Variants in AMPH observed in about 807,000 individuals in gnomAD.
AMPH encodes amphiphysin.
In AMPH, 49 loss-of-function variants were observed where a neutral mutation model predicts 99.1. The observed-to-expected ratio is 0.49, with a 90% CI of 0.39 to 0.63. The LOEUF is 0.63. AMPH is among the 20% of genes least tolerant of loss of function. The probability of loss-of-function intolerance (pLI) is 0.00; values close to 1 mark genes in which losing one functional copy is unlikely to be tolerated. For missense variants in AMPH, 759 were observed against 863.4 expected (o/e 0.88, Z 1.52); for synonymous variants, 314 against 317.3 (o/e 0.99, Z 0.11).
At position 38,495,788 on chromosome 7, in the gene AMPH, T is replaced by TA. The variant is rs1296311593; in HGVS notation, c.206-1262_206-1261insT. On this transcript the variant is annotated intron_variant, in intron 3 of 20. Coordinates refer to ENST00000356264, the MANE Select transcript of AMPH (RefSeq NM_001635.4). The stretch of plus-strand genomic sequence containing the variant: ...ATACATTTGATATGTTGCAAAACTA[T>TA]GGTTTGCAACATTAAAGAATAGCAT... Among the ~76,000 whole-genome samples the TA allele has an allele frequency of 2.0e-5, 3 of 152,186 alleles. No individual in the cohort carries two copies. In the East Asian group the frequency reaches 5.8e-4, roughly 29 times the overall value.
intron 1 of AMPH, among the ~76,000 whole-genome samples, chr7:38,550,967 T>C (rs776278160): frequency 6.6e-6 from 1 of 152,146 alleles, no homozygotes; most frequent in Non-Finnish European, 1.5e-5. Flanking sequence ...ACTCAAAAAC[T>C]TCACATAAAT....
intron 18 of AMPH, among the ~76,000 whole-genome samples, chr7:38,392,882 C>T (rs1784553267): frequency 6.6e-6 from 1 of 152,360 alleles, no homozygotes; most frequent in African/African-American, 2.4e-5. Context: ...CAGCCCCACA[C>T]TGCTGTGGCC....
chr7:38,428,613 C>G (rs1243710521), intron 14 of AMPH: 1 of 456,620 alleles, frequency 2.2e-6, no homozygotes, highest in East Asian at 7.0e-5. Context: ...TATGTCTTTT[C>G]TAGTCAAATC....
chr7:38,431,718 G>A (rs192594320), intron 13 of AMPH, among the ~76,000 whole-genome samples: 1 of 151,752 alleles, frequency 6.6e-6, no homozygotes, highest in African/African-American at 2.4e-5. Context: ...GTAGAGTTTG[G>A]ACTAAAATCC....
At chr7:38,595,416 T>A (rs1037752287) in intron 1 of AMPH, among the ~76,000 whole-genome samples, 1 of 152,114 alleles carries the variant, frequency 6.6e-6, no homozygotes, top group Non-Finnish European at 1.5e-5. Context: ...AGGAGGATAG[T>A]CCCTGCCATG....
intron 2 of AMPH, among the ~76,000 whole-genome samples, chr7:38,523,197 G>C (rs1371371887): frequency 6.6e-6 from 1 of 151,950 alleles, no homozygotes; most frequent in African/African-American, 2.4e-5. Flanking sequence ...CAGATAGATA[G>C]ATAATATAGA....
chr7:38,437,914 T>C (rs1467323770), intron 11 of AMPH, among the ~76,000 whole-genome samples: 1 of 152,216 alleles, frequency 6.6e-6, no homozygotes. Flanking sequence ...TATGTCATGC[T>C]ATTAGCCTTG....
chr7:38,514,644 T>C (rs182447292), intron 2 of AMPH, among the ~76,000 whole-genome samples: 243 of 152,310 alleles, frequency 1.6e-3, no homozygotes, highest in Non-Finnish European at 2.5e-3. Context: ...GCTCCTGGTA[T>C]TAAAGATGAG....
At chr7:38,510,347 G>A (rs1388969052) in intron 2 of AMPH, among the ~76,000 whole-genome samples, 2 of 152,050 alleles carry the variant, frequency 1.3e-5, no homozygotes, top group Admixed American at 1.3e-4. Flanking sequence ...CCTCCTTAAT[G>A]GCCCTATGTC....
chr7:38,450,021 C>A (rs1210618268), intron 11 of AMPH, among the ~76,000 whole-genome samples: 1 of 152,074 alleles, frequency 6.6e-6, no homozygotes, highest in Non-Finnish European at 1.5e-5. Flanking sequence ...AAGTAAGATG[C>A]AGTATTAGGC....
chr7:38,489,831 G>T (rs1286294836), intron 5 of AMPH, among the ~76,000 whole-genome samples: 2 of 151,948 alleles, frequency 1.3e-5, no homozygotes, highest in Non-Finnish European at 2.9e-5. Flanking sequence ...CTAATTAATG[G>T]GTATAAAATT....
intron 1 of AMPH, among the ~76,000 whole-genome samples, chr7:38,629,120 C>T (rs1203827949): frequency 6.6e-6 from 1 of 152,214 alleles, no homozygotes; most frequent in Non-Finnish European, 1.5e-5. Flanking sequence ...AAGAGGGAAT[C>T]ACGTGGGGAT....
At chr7:38,554,099 T>C (rs1019775303) in intron 1 of AMPH, among the ~76,000 whole-genome samples, 3 of 152,214 alleles carry the variant, frequency 2.0e-5, no homozygotes, top group Non-Finnish European at 4.4e-5. Context: ...TGGCTGGGAC[T>C]AGCTTCCTGA....
intron 17 of AMPH, among the ~76,000 whole-genome samples, 172 bp from the exon 18 acceptor site, chr7:38,394,386 C>T (rs2072507): frequency 0.36 from 54,023 of 152,148 alleles, 10,019 homozygotes; most frequent in Admixed American, 0.42. Context: ...ATCAACACTC[C>T]GACTTCTCTT....
At chr7:38,385,223 G>A (rs1288373566) in intron 20 of AMPH, among the ~76,000 whole-genome samples, 1 of 152,144 alleles carries the variant, frequency 6.6e-6, no homozygotes, top group Admixed American at 6.6e-5. Flanking sequence ...GATATTAACT[G>A]GATTATAATA....
chr7:38,416,916 T>C (rs1785400779), intron 17 of AMPH, among the ~76,000 whole-genome samples: 1 of 152,216 alleles, frequency 6.6e-6, no homozygotes, highest in Non-Finnish European at 1.5e-5. Flanking sequence ...CCTACCATTT[T>C]CCCTGTAAAA....
At position 38,494,592 on chromosome 7, in the gene AMPH, C is replaced by T. The variant is rs1279457305; in HGVS notation, c.206-65G>A. 2.1e-6 allele frequency: 3 copies of T among 1,435,986 alleles called. No individual in the cohort carries two copies. The East Asian group carries it at 6.9e-5, about 33-fold the overall frequency. 89.0% of individuals were successfully genotyped at this position (1,435,986 alleles called of 1,614,324 possible). A position where few individuals can be genotyped will look rare whatever the true frequency, so the allele number is the denominator to read the frequency against. The stretch of plus-strand genomic sequence containing the variant: ...AGTGAGGATTCTCTTCTCCCTTCCT[C>T]CACTTTCTTAAGTGAGAGAAAAATA... On this transcript the variant is annotated intron_variant, in intron 3 of 20. Coordinates refer to ENST00000356264, the MANE Select transcript of AMPH (RefSeq NM_001635.4).
chr7:38,406,718 CTCTCTCCCTT>C (rs765176816), intron 17 of AMPH, among the ~76,000 whole-genome samples: 2,459 of 132,100 alleles, frequency 0.019, 83 homozygotes, highest in South Asian at 0.038. Context: ...CCTCTCCTCT[CTCTCTCCCTT>C]TCCCTCTCTC....
intron 1 of AMPH, among the ~76,000 whole-genome samples, chr7:38,624,379 T>TTATTATTAG (rs1554380229): frequency 2.8e-4 from 42 of 151,848 alleles, no homozygotes; most frequent in African/African-American, 9.4e-4. Flanking sequence ...CTTATTATTA[T>TTATTATTAG]TATTAGTATT....
Sources: gnomAD v4.1 joint callset for allele counts (sites outside exome capture counted in the v4.1 genomes callset) on GRCh38, gnomAD v4.1.1 for gene constraint, MANE v1.5 for transcripts, NCBI Gene and HGNC (gene_info 2026-07-23, HGNC 2026-07-21) for gene names.